DOK6: variants seen among roughly 807,000 people sequenced by gnomAD.
DOK6 encodes the protein downstream of tyrosine kinase 6.
In DOK6, 22 loss-of-function variants were observed where a neutral mutation model predicts 44.0. The ratio of observed to expected loss-of-function variants is 0.50; its 90% CI spans 0.36 to 0.71. The LOEUF (loss-of-function observed/expected upper bound fraction) is 0.71. Among genes scored for constraint, DOK6 ranks in the 30% least tolerant of loss-of-function variants. The pLI, the probability that DOK6 is intolerant of heterozygous loss-of-function variation, is 0.00. For synonymous variants in DOK6, 166 were observed against 145.5 expected (o/e 1.14, Z -1.01); for missense variants, 340 against 416.4 (o/e 0.82, Z 1.60).
At chr18:69,714,379 G>A (rs1457856963) in intron 5 of DOK6, among the ~76,000 whole-genome samples, 1 of 152,172 alleles carries the variant, frequency 6.6e-6, no homozygotes, top group Non-Finnish European at 1.5e-5. Flanking sequence ...GGACAGACTA[G>A]ACCTCTCCTG....
chr18:69,795,546 G>T (rs989638779), intron 7 of DOK6, among the ~76,000 whole-genome samples: 1 of 152,136 alleles, frequency 6.6e-6, no homozygotes, highest in Non-Finnish European at 1.5e-5. Context: ...CAGAAATCAA[G>T]ACAAAGATCT....
chr18:69,710,878 G>T (rs563485845), intron 5 of DOK6, among the ~76,000 whole-genome samples: 2 of 152,284 alleles, frequency 1.3e-5, no homozygotes, highest in South Asian at 4.1e-4. Context: ...TTCAAAACAA[G>T]TTCTACTTTC....
Position 69,841,461 on chromosome 18 carries a change from G to A in DOK6, c.*78G>A, listed in dbSNP as rs1314839033. The A allele has an allele frequency of 1.1e-5, 17 of 1,575,022 alleles. No individual in the cohort carries two copies. The highest frequency in any genetic ancestry group is 2.7e-5 in the African/African-American group (2 of 74,066). On this transcript the variant is annotated 3_prime_UTR_variant, in exon 8 of 8. Transcript: ENST00000382713. ...TGGGGTCATTACCCTCTGCCTCCTG[G>A]AAGACCAATTGCAGTACAAATTGAA...
chr18:69,719,176 C>A (rs1189726147), intron 5 of DOK6, among the ~76,000 whole-genome samples: 1 of 152,172 alleles, frequency 6.6e-6, no homozygotes, highest in Non-Finnish European at 1.5e-5. Flanking sequence ...ACCTGCCTCT[C>A]CAAGAGTTCC....
chr18:69,545,159 T>A (rs927166611), intron 1 of DOK6, among the ~76,000 whole-genome samples: 5 of 150,804 alleles, frequency 3.3e-5, no homozygotes, highest in African/African-American at 1.2e-4. Flanking sequence ...AAAACATGGC[T>A]TTTTCCTAGA....
intron 2 of DOK6, among the ~76,000 whole-genome samples, chr18:69,582,871 A>G (rs576287457): frequency 2.6e-5 from 4 of 151,794 alleles, no homozygotes; most frequent in Non-Finnish European, 5.9e-5. Flanking sequence ...ATCCATTCGC[A>G]TTTCTATGTG....
chr18:69,737,406 G>A (rs1469516271), intron 5 of DOK6, among the ~76,000 whole-genome samples: 1 of 152,108 alleles, frequency 6.6e-6, no homozygotes, highest in Non-Finnish European at 1.5e-5. Context: ...AGCAGCATGG[G>A]AGAAACTGCC....
intron 3 of DOK6, among the ~76,000 whole-genome samples, chr18:69,615,319 T>C (rs1984259851): frequency 6.6e-6 from 1 of 152,216 alleles, no homozygotes; most frequent in Admixed American, 6.5e-5. Context: ...TCCAGCACTT[T>C]TATGAACATT....
Position 69,426,190 on chromosome 18 carries a change from G to A in DOK6, c.66+24880G>A, listed in dbSNP as rs960469644. Among the ~76,000 whole-genome samples the A allele has an allele frequency of 2.0e-5, 3 of 151,792 alleles. No individual in the cohort carries two copies. The East Asian group carries it at 5.8e-4, about 29-fold the overall frequency. ...TCTGCATATGTGTAGGTAATATATG[G>A]GCTTCCTTATTCTGCCCAACTTGTT... On this transcript the variant is annotated intron_variant, in intron 1 of 7. Coordinates refer to ENST00000382713, the MANE Select transcript of DOK6 (RefSeq NM_152721.6).
chr18:69,839,358 G>A (rs1177485172), intron 7 of DOK6, among the ~76,000 whole-genome samples: 1 of 131,398 alleles, frequency 7.6e-6, no homozygotes, highest in East Asian at 2.3e-4. Context: ...CCCTCCCCTG[G>A]TCTATCCCAT....
intron 1 of DOK6, among the ~76,000 whole-genome samples, chr18:69,541,915 G>C (rs1982279169): frequency 6.6e-6 from 1 of 151,490 alleles, no homozygotes; most frequent in African/African-American, 2.4e-5. Context: ...AGAGCTATCT[G>C]TGACAGACTC....
intron 1 of DOK6, among the ~76,000 whole-genome samples, chr18:69,427,399 ATCATT>A (rs750253819): frequency 0.46 from 69,214 of 151,620 alleles, 16,196 homozygotes; most frequent in East Asian, 0.62. Context: ...ATCATTAGAG[ATCATT>A]GTGCAAATCA....
intron 7 of DOK6, among the ~76,000 whole-genome samples, chr18:69,759,240 A>G (rs1979461503): frequency 6.6e-6 from 1 of 152,224 alleles, no homozygotes; most frequent in South Asian, 2.1e-4. Context: ...TTCCCTGTTC[A>G]AATGCCAGCA....
At position 69,579,571 on chromosome 18, in the gene DOK6, C is replaced by CTT. The variant is rs11463109; in HGVS notation, c.174+14987_174+14988dup. ...GGTGGGCCAAAAGAAGCCAACTTTT[C>CTT]TTTTTTTTTTTGAGACGGAGTCTTG... On this transcript the variant is annotated intron_variant, in intron 2 of 7. Coordinates refer to ENST00000382713, the MANE Select transcript of DOK6 (RefSeq NM_152721.6). Among the ~76,000 whole-genome samples the CTT allele has an allele frequency of 1.2e-3, 180 of 147,634 alleles. 2 individuals are homozygous for CTT. The highest frequency in any genetic ancestry group is 1.2e-3 in the Non-Finnish European group (83 of 66,782).
chr18:69,482,582 A>G (rs948097307), intron 1 of DOK6, among the ~76,000 whole-genome samples: 2 of 152,208 alleles, frequency 1.3e-5, no homozygotes, highest in African/African-American at 2.4e-5. Flanking sequence ...GCTGCCCATT[A>G]CCAAAGTGAG....
intron 3 of DOK6, among the ~76,000 whole-genome samples, chr18:69,636,007 G>A (rs144074664): frequency 2.6e-3 from 395 of 152,304 alleles, no homozygotes; most frequent in Middle Eastern, 0.01. Flanking sequence ...TAGAGATAGT[G>A]CTGCTGATGT....
At chr18:69,543,754 T>C (rs58905260) in intron 1 of DOK6, among the ~76,000 whole-genome samples, 1 of 151,486 alleles carries the variant, frequency 6.6e-6, no homozygotes, top group Non-Finnish European at 1.5e-5. Flanking sequence ...AACAAAATGA[T>C]AATAATGTAG....
At chr18:69,826,617 A>C (rs1444151184) in intron 7 of DOK6, among the ~76,000 whole-genome samples, 2 of 152,132 alleles carry the variant, frequency 1.3e-5, no homozygotes, top group Non-Finnish European at 2.9e-5. Context: ...CATTTTCATG[A>C]ATCTCTGATC....
intron 3 of DOK6, among the ~76,000 whole-genome samples, chr18:69,657,509 G>T (rs113339074): frequency 0.012 from 1,793 of 152,290 alleles, 37 homozygotes; most frequent in African/African-American, 0.041. Context: ...TGAGATTGCA[G>T]GGCTATTTCT....
Sources: allele counts gnomAD v4.1 joint callset (sites outside exome capture counted in the v4.1 genomes callset), GRCh38; gene constraint gnomAD v4.1.1; transcripts MANE v1.5; gene names NCBI Gene and HGNC (gene_info 2026-07-23, HGNC 2026-07-21).